CDH4: variants seen among roughly 807,000 people sequenced by gnomAD.
The protein encoded by CDH4 is cadherin-4.
CDH4 carries 33 observed loss-of-function variants against 86.0 expected under a neutral mutation model. The ratio of observed to expected loss-of-function variants is 0.38; its 90% CI spans 0.29 to 0.51. The LOEUF (loss-of-function observed/expected upper bound fraction) is 0.51, where lower values mean the gene tolerates loss of function less well. Among genes scored for constraint, CDH4 ranks in the 20% least tolerant of loss-of-function variants. CDH4 has a pLI of 0.86. For missense variants in CDH4, 1,114 were observed against 1,307.4 expected, an observed-to-expected ratio of 0.85 and a Z score of 2.28; for synonymous variants, 555 against 549.4, an observed-to-expected ratio of 1.01 and a Z score of -0.14.
intron 2 of CDH4, among the ~76,000 whole-genome samples, chr20:61,666,361 C>A (rs974097580): frequency 6.6e-6 from 1 of 152,200 alleles, no homozygotes; most frequent in African/African-American, 2.4e-5. Context: ...CAGCTGCTGC[C>A]GGCACAGCCA....
chr20:61,923,213 G>C (rs1776229), intron 9 of CDH4, among the ~76,000 whole-genome samples: 6,747 of 152,296 alleles, frequency 0.044, 502 homozygotes, highest in African/African-American at 0.15. Flanking sequence ...ATGGGACAGG[G>C]GCTGGGAGGC....
chr20:61,937,945 A>G lies in CDH4; in HGVS notation c.*1002A>G, dbSNP rs956190744. On this transcript the variant is annotated 3_prime_UTR_variant, in exon 16 of 16. Transcript: ENST00000614565. ...TCCAACCATCCGGAGGGCTGTGCAG[A>G]TGGCAGGAACCAAGGACCCTCCCTG... 2 of 152,424 alleles carry G rather than the reference A, an allele frequency of 1.3e-5. No individual in the cohort carries two copies. Among genetic ancestry groups the G allele is most frequent in the Admixed American group, 1.3e-4 (2 of 15,286 alleles). The allele number at this position is 152,424 out of a possible 1,614,324, so 9.4% of individuals were successfully genotyped here.
chr20:61,418,189 C>T (rs2085157009), intron 2 of CDH4, among the ~76,000 whole-genome samples: 1 of 149,210 alleles, frequency 6.7e-6, no homozygotes, highest in Admixed American at 6.7e-5. Flanking sequence ...AGCTTCAGCC[C>T]AAACTTTTTT....
At chr20:61,298,142 T>C (rs1256728249) in intron 2 of CDH4, among the ~76,000 whole-genome samples, 1 of 152,184 alleles carries the variant, frequency 6.6e-6, no homozygotes, top group Non-Finnish European at 1.5e-5. Context: ...AAGAGTGCGA[T>C]TGGGCGCCAG....
At chr20:61,748,724 C>T (rs1181056309) in intron 3 of CDH4, among the ~76,000 whole-genome samples, 1 of 151,772 alleles carries the variant, frequency 6.6e-6, no homozygotes, top group East Asian at 1.9e-4. Context: ...GCATTTTTCT[C>T]AAAAATGATG....
intron 2 of CDH4, among the ~76,000 whole-genome samples, chr20:61,275,694 G>A (rs1452946461): frequency 6.6e-6 from 1 of 150,746 alleles, no homozygotes; most frequent in East Asian, 1.9e-4. Flanking sequence ...CAGTTTGGGG[G>A]AGTACCGTGC....
chr20:61,520,658 C>A (rs2085862026), intron 2 of CDH4, among the ~76,000 whole-genome samples: 2 of 152,158 alleles, frequency 1.3e-5, no homozygotes, highest in African/African-American at 2.4e-5. Flanking sequence ...CTGAGCAGCT[C>A]AGTGACGGTG....
At chr20:61,936,383 ACCCCCTCCC>A (rs2055187479) in intron 15 of CDH4, among the ~76,000 whole-genome samples, 20 of 814 alleles carry the variant, frequency 0.025, no homozygotes, top group Admixed American at 0.054. Flanking sequence ...CTTCCCCCAC[ACCCCCTCCC>A]CCACACCCCC....
chr20:61,770,056 T>C (rs2088756085), intron 3 of CDH4, among the ~76,000 whole-genome samples: 1 of 152,108 alleles, frequency 6.6e-6, no homozygotes, highest in South Asian at 2.1e-4. Context: ...GAGGAAAGCA[T>C]GGAGTCCAGT....
At chr20:61,621,641 A>C (rs140608607) in intron 2 of CDH4, among the ~76,000 whole-genome samples, 1,661 of 152,330 alleles carry the variant, frequency 0.011, 22 homozygotes, top group South Asian at 0.027. Flanking sequence ...GCAGAGGGAA[A>C]TATTATTCCA....
Position 61,933,037 on chromosome 20 carries a change from C to T in CDH4, c.2292C>T (p.His764=). The T allele has an allele frequency of 6.2e-7, 1 of 1,613,318 alleles. No individual in the cohort carries two copies. The change falls in exon 14 of 16, where the codon CAC becomes CAT. Residue 764 remains histidine (H), a synonymous_variant. Coordinates refer to ENST00000614565, the MANE Select transcript of CDH4 (RefSeq NM_001794.5). ...MWMKRREKER[H]TKQLLIDPED... is the part of the protein sequence containing the mutation. ...TGAAGCGGCGAGAGAAGGAGCGCCA[C>T]ACGAAGCAGCTGCTCATTGACCCCG...
chr20:61,601,990 GC>G (rs1030080596), intron 2 of CDH4, among the ~76,000 whole-genome samples: 4 of 152,226 alleles, frequency 2.6e-5, no homozygotes, highest in Non-Finnish European at 4.4e-5. Context: ...CCACAGTGCC[GC>G]CCAGAGCCAA....
intron 2 of CDH4, among the ~76,000 whole-genome samples, chr20:61,560,096 C>G (rs575554198): frequency 6.6e-6 from 1 of 152,176 alleles, no homozygotes; most frequent in Non-Finnish European, 1.5e-5. Context: ...TTCGGAGTCG[C>G]TTGTTTGCTC....
chr20:61,922,540 G>A (rs1568889619), intron 9 of CDH4, among the ~76,000 whole-genome samples: 1 of 152,194 alleles, frequency 6.6e-6, no homozygotes, highest in Non-Finnish European at 1.5e-5. Flanking sequence ...AACCAGGTGG[G>A]TTACAACAAT....
chr20:61,688,595 A>C (rs8125685), intron 2 of CDH4, among the ~76,000 whole-genome samples: 12,818 of 152,154 alleles, frequency 0.084, 1,818 homozygotes, highest in African/African-American at 0.29. Context: ...TCCTCCAGGG[A>C]CTCGCAGCAT....
intron 2 of CDH4, among the ~76,000 whole-genome samples, chr20:61,642,230 A>G (rs1172123164): frequency 6.6e-6 from 1 of 152,190 alleles, no homozygotes; most frequent in Admixed American, 6.5e-5. Context: ...TCTTAATTTT[A>G]TTGTTCTAGA....
At chr20:61,450,101 A>T (rs796710406) in intron 2 of CDH4, among the ~76,000 whole-genome samples, 21 of 152,366 alleles carry the variant, frequency 1.4e-4, no homozygotes, top group African/African-American at 4.8e-4. Flanking sequence ...GTTGACAATG[A>T]TGTCATTACA....
chr20:61,310,382 A>G (rs1270775064), intron 2 of CDH4, among the ~76,000 whole-genome samples: 1 of 152,120 alleles, frequency 6.6e-6, no homozygotes, highest in Non-Finnish European at 1.5e-5. Flanking sequence ...TAACTATTTT[A>G]TGGACCTGGG....
chr20:61,802,572 G>A (rs372541135), intron 4 of CDH4, among the ~76,000 whole-genome samples: 11 of 152,324 alleles, frequency 7.2e-5, no homozygotes, highest in African/African-American at 2.6e-4. Flanking sequence ...AACTGTCTCC[G>A]TTGGGAGCAA....
Sources: gnomAD v4.1 joint callset for allele counts (sites outside exome capture counted in the v4.1 genomes callset) on GRCh38, gnomAD v4.1.1 for gene constraint, MANE v1.5 for transcripts, NCBI Gene and HGNC (gene_info 2026-07-23, HGNC 2026-07-21) for gene names.